NCR1: variants seen among roughly 807,000 people sequenced by gnomAD.
NCR1 encodes NK cell-activating receptor.
Under a neutral mutation model 32.5 loss-of-function variants are expected in NCR1, and 30 were observed. That is an observed-to-expected ratio of 0.92 (90% CI 0.69 to 1.25). The LOEUF is 1.25. Among genes scored for constraint, NCR1 ranks in the 50% most tolerant of loss-of-function variants. The pLI, the probability that NCR1 is intolerant of heterozygous loss-of-function variation, is 0.00. For synonymous variants in NCR1, 169 were observed against 143.4 expected (o/e 1.18, Z -1.28); for missense variants, 369 against 380.7 (o/e 0.97, Z 0.26).
In NCR1 at chr19:54,912,834, G is replaced by C. The variant is rs770374506; in HGVS notation, c.878G>C (p.Trp293Ser). The C allele has an allele frequency of 1.2e-6, 2 of 1,613,384 alleles. No individual in the cohort carries two copies. The change falls in exon 7 of 7, where the codon TGG becomes TCG. Residue 293 changes from tryptophan (W) to serine (S), a missense_variant. Coordinates refer to ENST00000291890, the MANE Select transcript of NCR1 (RefSeq NM_004829.7). ...TRERASRASTWEGRRRLNTQT... is the reference protein window; with the variant it reads ...TRERASRASTSEGRRRLNTQT... ...GAGCGAGCCAGCAGAGCTTCCACTT[G>C]GGAAGGCAGGAGAAGGCTGAACACA...
upstream of NCR1, among the ~76,000 whole-genome samples, chr19:54,902,207 T>C (rs2067312564): frequency 6.6e-6 from 1 of 152,176 alleles, no homozygotes; most frequent in South Asian, 2.1e-4. Flanking sequence ...TAGACACACT[T>C]TCTTCGGGGA....
chr19:54,911,322 C>G (rs587684040), intron 5 of NCR1, among the ~76,000 whole-genome samples: 55 of 148,046 alleles, frequency 3.7e-4, no homozygotes, highest in African/African-American at 1.3e-3. Context: ...GCACTCCAGC[C>G]TGGGCGACAG....
upstream of NCR1, among the ~76,000 whole-genome samples, chr19:54,903,461 T>C (rs587701548): frequency 3.6e-5 from 5 of 138,374 alleles, 1 homozygote; most frequent in Admixed American, 2.4e-4. Flanking sequence ...TACATATATG[T>C]ATGTATACAC....
the NCR1 span, among the ~76,000 whole-genome samples, chr19:54,928,779 C>T: frequency 6.7e-6 from 1 of 150,174 alleles, no homozygotes; most frequent in African/African-American, 2.4e-5. Flanking sequence ...CCCCATAAGG[C>T]CCTGTAGGCC....
upstream of NCR1, among the ~76,000 whole-genome samples, chr19:54,903,382 G>GCA (rs2067349175): frequency 5.6e-5 from 7 of 125,180 alleles, 1 homozygote; most frequent in Non-Finnish European, 1.0e-4. Context: ...ATACATGTAT[G>GCA]TATATACATA....
the NCR1 span, chr19:54,936,214 T>C: frequency 2.0e-4 from 313 of 1,543,124 alleles, no homozygotes; most frequent in Non-Finnish European, 2.6e-4. Flanking sequence ...AGCAACACGG[T>C]GCAGTGGACT....
chr19:54,923,704 G>C, the NCR1 span: 1 of 1,610,902 alleles, frequency 6.2e-7, no homozygotes, highest in Admixed American at 1.7e-5. Flanking sequence ...CCCGAATCCC[G>C]CTTCCTGTGT....
chr19:54,922,117 T>G, the NCR1 span, among the ~76,000 whole-genome samples: 1 of 152,044 alleles, frequency 6.6e-6, no homozygotes, highest in African/African-American at 2.4e-5. Flanking sequence ...GGTCTCGAAC[T>G]CCTGACCTCA....
the NCR1 span, among the ~76,000 whole-genome samples, chr19:54,936,845 G>A: frequency 1.3e-5 from 2 of 152,134 alleles, no homozygotes; most frequent in South Asian, 2.1e-4. Flanking sequence ...AATCCAGGAG[G>A]CAGAGGTTGC....
In NCR1 at chr19:54,906,424, T is replaced by C. The variant is rs2146032151; in HGVS notation, c.70+90T>C. 5.0e-6 allele frequency: 8 copies of C among 1,601,376 alleles called. No individual in the cohort carries two copies. The South Asian group carries it at 5.5e-5, about 11-fold the overall frequency. The stretch of plus-strand genomic sequence containing the variant: ...GCACGGCTGGGGTGAGGGGACAGGG[T>C]GCTGGCTTCCCAGGAGAGCTTGGGG... On this transcript the variant is annotated intron_variant, in intron 2 of 6. Transcript: ENST00000291890.
intron 3 of NCR1, among the ~76,000 whole-genome samples, chr19:54,907,105 G>C (rs994964608): frequency 4.6e-5 from 7 of 151,664 alleles, no homozygotes; most frequent in African/African-American, 1.7e-4. Context: ...TGGGCCAGGC[G>C]CAGTGGCTTA....
the NCR1 span, among the ~76,000 whole-genome samples, chr19:54,899,149 C>G: frequency 1.3e-5 from 2 of 152,066 alleles, no homozygotes; most frequent in Admixed American, 1.3e-4. Flanking sequence ...GGATGTCAGG[C>G]ACCTCAGACC....
At chr19:54,936,190 T>A in the NCR1 span, 1 of 1,421,400 alleles carries the variant, frequency 7.0e-7, no homozygotes, top group African/African-American at 1.4e-5. Context: ...GTTACCCTTT[T>A]TCCTAGATCC....
Position 54,906,816 on chromosome 19 carries a change from C to G in NCR1, c.355+9C>G. 1 of 1,613,182 alleles carries G rather than the reference C, an allele frequency of 6.2e-7. No individual in the cohort carries two copies. The highest frequency in any genetic ancestry group is 8.5e-7 in the Non-Finnish European group (1 of 1,179,472). On this transcript the variant is annotated intron_variant, in intron 3 of 6. Coordinates refer to ENST00000291890, the MANE Select transcript of NCR1 (RefSeq NM_004829.7). ...GGATCTGGTGGTAACAGGTAACTGT[C>G]CGGTTCTCTAACTGGAGAGTGATCT...
chr19:54,921,826 A>G, the NCR1 span, among the ~76,000 whole-genome samples: 6 of 151,732 alleles, frequency 4.0e-5, no homozygotes, highest in African/African-American at 1.4e-4. Context: ...CAAGCTTTCA[A>G]CCTAAAGCAT....
upstream of NCR1, among the ~76,000 whole-genome samples, chr19:54,902,867 C>T (rs932343825): frequency 2.6e-5 from 4 of 152,226 alleles, no homozygotes; most frequent in Middle Eastern, 3.4e-3. Flanking sequence ...TGGTGGCTCA[C>T]GCCTGTAATC....
chr19:54,927,018 A>C, the NCR1 span, among the ~76,000 whole-genome samples: 4 of 151,904 alleles, frequency 2.6e-5, no homozygotes, highest in African/African-American at 9.7e-5. Flanking sequence ...TCAACCTGTG[A>C]GAAGGAGGCT....
chr19:54,905,742 C>G (rs587729138), upstream of NCR1, among the ~76,000 whole-genome samples: 5 of 152,170 alleles, frequency 3.3e-5, no homozygotes, highest in East Asian at 9.7e-4. Flanking sequence ...ACTGGGTTTT[C>G]TTAAATACAA....
chr19:54,913,799 G>A (rs2068075711), downstream of NCR1, among the ~76,000 whole-genome samples: 1 of 152,102 alleles, frequency 6.6e-6, no homozygotes, highest in Non-Finnish European at 1.5e-5. Context: ...CAGGCACGGT[G>A]GCTCATGCCT....
Sources: gnomAD v4.1 joint callset for allele counts (sites outside exome capture counted in the v4.1 genomes callset) on GRCh38, gnomAD v4.1.1 for gene constraint, MANE v1.5 for transcripts, NCBI Gene and HGNC (gene_info 2026-07-23, HGNC 2026-07-21) for gene names.